CAPS2: variants seen among roughly 807,000 people sequenced by gnomAD.
CAPS2 encodes the protein calcyphosine 2.
A neutral mutation model predicts 86.5 loss-of-function variants in CAPS2; 98 were observed. The ratio of observed to expected loss-of-function variants is 1.13; its 90% confidence interval spans 0.96 to 1.34. The LOEUF is 1.34. Among genes scored for constraint, CAPS2 ranks in the 40% most tolerant of loss-of-function variants. CAPS2 has a pLI of 0.00. For synonymous variants in CAPS2, 210 were observed against 225.1 expected (o/e 0.93, Z 0.60); for missense variants, 729 against 686.8 (o/e 1.06, Z -0.69).
exon 17 of CAPS2, chr12:75,278,953 T>G: frequency 6.2e-7 from 1 of 1,610,294 alleles, no homozygotes; most frequent in Non-Finnish European, 8.5e-7. Flanking sequence ...TTCCTATACT[T>G]AAACCTTCAT....
At chr12:75,276,407 C>A (rs1198126666), downstream of CAPS2, 2 of 980,994 alleles carry the variant, frequency 2.0e-6, no homozygotes, top group African/African-American at 3.5e-5. Flanking sequence ...AACTGGAAGT[C>A]AAAAGTAATA....
chr12:75,305,455 C>A (rs2038341325), intron 7 of CAPS2: 1 of 536,690 alleles, frequency 1.9e-6, no homozygotes, highest in Non-Finnish European at 3.5e-6. Context: ...CCGGTTGGAA[C>A]AAAGTAAGGA....
At chr12:75,313,029 G>C in intron 6 of CAPS2, 114 bp from the exon 7 acceptor site, 1 of 559,002 alleles carries the variant, frequency 1.8e-6, no homozygotes, top group East Asian at 2.9e-5. Context: ...CTTAGATATA[G>C]ATGGAAATAG....
intron 8 of CAPS2, among the ~76,000 whole-genome samples, chr12:75,302,192 A>T (rs1264936679): frequency 1.3e-5 from 2 of 152,220 alleles, no homozygotes. Flanking sequence ...GGGGCATAAG[A>T]GGAGTGAAAG....
At chr12:75,369,123 G>C (rs554471651) in intron 1 of CAPS2, among the ~76,000 whole-genome samples, 1 of 152,032 alleles carries the variant, frequency 6.6e-6, no homozygotes, top group South Asian at 2.1e-4. Flanking sequence ...CTTGGAGTCA[G>C]ATGGTTTAAC....
At chr12:75,323,298 G>A (rs2040472499) in intron 2 of CAPS2, 76 bp from the exon 4 acceptor site, 1 of 1,205,896 alleles carries the variant, frequency 8.3e-7, no homozygotes, top group Non-Finnish European at 1.2e-6. Context: ...TATGTTACAT[G>A]TTTTATAAAT....
intron 1 of CAPS2, chr12:75,343,567 T>C (rs979762829): frequency 2.7e-6 from 2 of 734,392 alleles, no homozygotes; most frequent in Admixed American, 3.1e-5. Context: ...ACATAATAAA[T>C]ACCAAAGAAA....
intron 1 of CAPS2, among the ~76,000 whole-genome samples, chr12:75,349,892 G>C (rs1036502749): frequency 3.9e-5 from 6 of 152,226 alleles, no homozygotes; most frequent in Non-Finnish European, 8.8e-5. Flanking sequence ...GATAAAAAGT[G>C]TATCAGCTGC....
At chr12:75,311,481 A>G (rs2039160030) in intron 7 of CAPS2, among the ~76,000 whole-genome samples, 1 of 152,118 alleles carries the variant, frequency 6.6e-6, no homozygotes, top group Non-Finnish European at 1.5e-5. Flanking sequence ...CCCAGATTGG[A>G]GAAAGTTAAA....
In CAPS2 at chr12:75,322,246, T is replaced by A. The variant is rs375653140; in HGVS notation, c.292-670A>T. 2.0e-5 allele frequency among the ~76,000 whole-genome samples: 3 copies of A among 152,242 alleles called. No individual in the cohort carries two copies. In the East Asian group the frequency reaches 5.8e-4, roughly 29 times the overall value. On this transcript the variant is annotated intron_variant, in intron 4 of 16. Coordinates refer to ENST00000393284, the Ensembl canonical transcript of CAPS2. ...TATTTGGTTCCCTACCACATTTCCA[T>A]GCGAGTGAGAGATAATAAGAGTCAG...
chr12:75,293,214 C>A (rs2036306507), intron 12 of CAPS2, 35 bp downstream of exon 12: 1 of 1,185,310 alleles, frequency 8.4e-7, no homozygotes, highest in African/African-American at 1.5e-5. Flanking sequence ...GTGTTTTCAC[C>A]TACTTTCAAA....
chr12:75,345,678 C>A (rs1024748223), intron 1 of CAPS2, among the ~76,000 whole-genome samples: 25 of 152,274 alleles, frequency 1.6e-4, no homozygotes, highest in African/African-American at 6.0e-4. Flanking sequence ...GGTTTGGATA[C>A]TAAGGGAAAA....
intron 6 of CAPS2, among the ~76,000 whole-genome samples, chr12:75,313,954 A>G (rs182062855): frequency 1.5e-3 from 221 of 152,202 alleles, no homozygotes; most frequent in African/African-American, 5.0e-3. Flanking sequence ...GGCTCTTGCT[A>G]TGTTGCCCAG....
At chr12:75,390,814 G>A (rs2045552991) in intron 1 of CAPS2, 1 of 585,758 alleles carries the variant, frequency 1.7e-6, no homozygotes, top group South Asian at 1.5e-5. Context: ...CACTACATTA[G>A]TTTAGTGAAA....
intron 12 of CAPS2, among the ~76,000 whole-genome samples, chr12:75,292,071 G>A (rs1349662778): frequency 6.6e-6 from 1 of 151,840 alleles, no homozygotes; most frequent in Non-Finnish European, 1.5e-5. Context: ...TTTTTTGTTT[G>A]TTTGTTTGTT....
At position 75,298,383 on chromosome 12, in the gene CAPS2, C is replaced by T. The variant is rs1032071682; in HGVS notation, c.1044+304G>A. 4 of 323,894 alleles carry T rather than the reference C, an allele frequency of 1.2e-5. No individual in the cohort carries two copies. In the Admixed American group the frequency reaches 1.7e-4, roughly 14 times the overall value. 20.1% of individuals were successfully genotyped at this position (323,894 alleles called of 1,614,324 possible). On this transcript the variant is annotated intron_variant, in intron 11 of 16. Coordinates refer to ENST00000393284, the Ensembl canonical transcript of CAPS2. ...ATTGAGATAGCCACTCACCCAATGA[C>T]ACAGCTTTGAAGAACTTTTCAAAGT... is the stretch of plus-strand genomic sequence containing the variant.
At chr12:75,347,456 T>C (rs1209676489) in intron 1 of CAPS2, among the ~76,000 whole-genome samples, 2 of 152,020 alleles carry the variant, frequency 1.3e-5, no homozygotes, top group African/African-American at 4.8e-5. Context: ...GCCATGACAA[T>C]ATAAGAATTT....
downstream of CAPS2, chr12:75,276,543 T>C (rs2032963616): frequency 5.1e-6 from 5 of 978,390 alleles, no homozygotes; most frequent in Non-Finnish European, 6.1e-6. Flanking sequence ...AACAGGGACA[T>C]ACATGTTTAA....
At chr12:75,375,857 G>A (rs1304762413) in intron 1 of CAPS2, among the ~76,000 whole-genome samples, 2 of 152,124 alleles carry the variant, frequency 1.3e-5, no homozygotes, top group Non-Finnish European at 2.9e-5. Flanking sequence ...TGCCACCTCG[G>A]GATCCAATTA....
Sources: gnomAD v4.1 joint callset for allele counts (sites outside exome capture counted in the v4.1 genomes callset) on GRCh38, gnomAD v4.1.1 for gene constraint, MANE v1.5 for transcripts, NCBI Gene and HGNC (gene_info 2026-07-23, HGNC 2026-07-21) for gene names.